CRMP1: variants seen among roughly 807,000 people sequenced by gnomAD.
The protein encoded by CRMP1 is collapsin response mediator protein 1.
A neutral mutation model predicts 68.3 loss-of-function variants in CRMP1; 19 were observed. That is an observed-to-expected ratio of 0.28 (90% CI 0.19 to 0.41). CRMP1 has a LOEUF of 0.41. Ranked by LOEUF, CRMP1 falls within the 10% of genes least tolerant of loss-of-function variation. The pLI is 1.00. For missense variants in CRMP1, 791 were observed against 967.4 expected, an observed-to-expected ratio of 0.82 and a Z score of 2.42; for synonymous variants, 439 against 399.6, an observed-to-expected ratio of 1.10 and a Z score of -1.18.
rs138373028 is a variant in CRMP1, at chr4:5,841,336, G to A, written c.1125C>T (p.Ala375=). The A allele has an allele frequency of 7.4e-5, 120 of 1,613,948 alleles. No homozygotes were observed. The highest frequency in any genetic ancestry group is 1.5e-4 in the African/African-American group (11 of 74,990). Residue 375 remains alanine (A), a synonymous_variant, in exon 8 of 14, where the codon GCC becomes GCT. Transcript: ENST00000324989. This position sits in a 1 kb window ranked among gnomAD's most constrained non-coding sequence, Gnocchi z 6.9. ...TCTTCCTGGCCAGAGCGATGATGTC[G>A]GCTGCACTCTTGCTCATGACCTTGG... is the stretch of plus-strand genomic sequence containing the variant. ...YITKVMSKSA[A]DIIALARKKG...
In CRMP1 at chr4:5,863,845, G is replaced by A. The variant is rs765466836; in HGVS notation, c.471-2635C>T. On this transcript the variant is annotated intron_variant, in intron 2 of 13. Transcript: ENST00000324989. ...TGCCTCTGTACCCGAGGTGGTCCCC[G>A]GCTCTTCCACACCTACCCTTCTCAG... 5.3e-5 allele frequency among the ~76,000 whole-genome samples: 8 copies of A among 152,072 alleles called. 1 individual carries two copies. The highest frequency in any genetic ancestry group is 2.0e-4 in the Admixed American group (3 of 15,268).
rs761475243 is a variant in CRMP1 at position 5,841,935 on chromosome 4, C to T, written c.1033-507G>A. Among the ~76,000 whole-genome samples, 2 of 152,244 alleles carry T rather than the reference C, an allele frequency of 1.3e-5. No homozygotes were observed. The highest frequency in any genetic ancestry group is 2.9e-5 in the Non-Finnish European group (2 of 68,050). On this transcript the variant is annotated intron_variant, in intron 7 of 13. Coordinates refer to ENST00000324989, the MANE Select transcript of CRMP1 (RefSeq NM_001014809.3). The surrounding 1 kb of genome is among the most constrained non-coding windows in gnomAD (Gnocchi z 6.9). ...GTGGCTCACACCTGTAATCCCAGCA[C>T]TTTGGGAGGCCAAGACGGATGGATC...
In CRMP1 at chr4:5,828,673, A is replaced by G; in HGVS notation, c.1624-5T>C. On this transcript the variant is annotated splice_region_variant and splice_polypyrimidine_tract_variant and intron_variant, in intron 11 of 13. Coordinates refer to ENST00000324989, the MANE Select transcript of CRMP1 (RefSeq NM_001014809.3). ...GAAGATGTTGTACTCCACCGCCTGC[A>G]CCAACAGCCTCAGTGTTACTTCCCA... The G allele has an allele frequency of 6.2e-7, 1 of 1,612,944 alleles. No individual in the cohort carries two copies. Among genetic ancestry groups the G allele is most frequent in the Middle Eastern group, 1.7e-4 (1 of 6,058 alleles).
At chr4:5,856,028 C>G in intron 4 of CRMP1, 115 bp downstream of exon 4, 1 of 1,236,596 alleles carries the variant, frequency 8.1e-7, no homozygotes, top group Non-Finnish European at 1.1e-6. Context: ...CAGAGTGCAG[C>G]TCATAATCAG....
At chr4:5,839,212 C>G (rs1711515316) in intron 9 of CRMP1, among the ~76,000 whole-genome samples, 1 of 152,228 alleles carries the variant, frequency 6.6e-6, no homozygotes, top group Admixed American at 6.5e-5. Flanking sequence ...GGTGACACAG[C>G]CTTGTCTCCA....
intron 8 of CRMP1, among the ~76,000 whole-genome samples, chr4:5,840,181 C>T (rs997003949): frequency 2.0e-5 from 3 of 152,196 alleles, no homozygotes; most frequent in African/African-American, 7.2e-5. Context: ...AGGGCCCTGG[C>T]ACTCAGTCCT....
chr4:5,839,838 C>A (rs554801523), intron 8 of CRMP1, among the ~76,000 whole-genome samples, 160 bp from the exon 9 acceptor site: 1 of 152,378 alleles, frequency 6.6e-6, no homozygotes, highest in South Asian at 2.1e-4. Context: ...ACCGCAGGGA[C>A]CTTGGGTGTC....
At chr4:5,864,326 G>A (rs1713822629) in intron 2 of CRMP1, among the ~76,000 whole-genome samples, 1 of 152,136 alleles carries the variant, frequency 6.6e-6, no homozygotes, top group African/African-American at 2.4e-5. Flanking sequence ...GAAGCCCAGA[G>A]CCCCCACACA....
chr4:5,883,955 A>G lies in CRMP1; in HGVS notation c.381+8634T>C, dbSNP rs1715395439. Among the ~76,000 whole-genome samples the G allele has an allele frequency of 6.6e-6, 1 of 152,202 alleles. No individual in the cohort carries two copies. On this transcript the variant is annotated intron_variant, in intron 1 of 13. Transcript: ENST00000324989. This position sits in a 1 kb window ranked among gnomAD's most constrained non-coding sequence, Gnocchi z 4.5. ...TTAAGAATTTGATTTAAACAAAATA[A>G]TGTTTTCCCTAAAAATGGTCCACTT...
chr4:5,821,149 C>T lies in CRMP1; in HGVS notation c.*611G>A, dbSNP rs138026707. On this transcript the variant is annotated 3_prime_UTR_variant, in exon 14 of 14. Coordinates refer to ENST00000324989, the MANE Select transcript of CRMP1 (RefSeq NM_001014809.3). This position sits in a 1 kb window ranked among gnomAD's most constrained non-coding sequence, Gnocchi z 4.4. ...GACACAGGATGTGGAGGATGCTTCTCTGCAACCTAGTGCAAGGCTTCCCCT... is the reference window on the plus strand; with the variant it reads ...GACACAGGATGTGGAGGATGCTTCTTTGCAACCTAGTGCAAGGCTTCCCCT... 6.5e-6 allele frequency: 1 copy of T among 152,716 alleles called. No homozygotes were observed. The highest frequency in any genetic ancestry group is 2.4e-5 in the African/African-American group (1 of 41,462). 9.5% of individuals were successfully genotyped at this position (152,716 alleles called of 1,614,324 possible).
chr4:5,829,135 A>G (rs1180931757), intron 11 of CRMP1, among the ~76,000 whole-genome samples: 1 of 152,222 alleles, frequency 6.6e-6, no homozygotes, highest in Non-Finnish European at 1.5e-5. Flanking sequence ...GTTCAGATCA[A>G]TTGACACGAT....
At position 5,890,219 on chromosome 4, in the gene CRMP1, C is replaced by G. The variant is rs1160810205; in HGVS notation, c.381+2370G>C. 1 of 160,742 alleles carries G rather than the reference C, an allele frequency of 6.2e-6. No individual in the cohort carries two copies. The highest frequency in any genetic ancestry group is 1.4e-5 in the Non-Finnish European group (1 of 72,624). The allele number at this position is 160,742 out of a possible 1,614,324, so 10.0% of individuals were successfully genotyped here. A position where few individuals can be genotyped will look rare whatever the true frequency, so the allele number is the denominator to read the frequency against. On this transcript the variant is annotated intron_variant, in intron 1 of 13. Coordinates refer to ENST00000324989, the MANE Select transcript of CRMP1 (RefSeq NM_001014809.3). The surrounding 1 kb of genome is among the most constrained non-coding windows in gnomAD (Gnocchi z 5.5). ...CGTTCCCTGGGGTCAGTCTGGAGATCTGAGCAGAAAGCCCCTACAGCAAGG... is the reference window on the plus strand; with the variant it reads ...CGTTCCCTGGGGTCAGTCTGGAGATGTGAGCAGAAAGCCCCTACAGCAAGG...
intron 9 of CRMP1, 97 bp from the exon 10 acceptor site, chr4:5,837,003 A>G (rs1446513697): frequency 2.2e-6 from 3 of 1,385,278 alleles, no homozygotes; most frequent in Non-Finnish European, 2.9e-6. Flanking sequence ...CAGTGAATGA[A>G]TGAATAGATA....
chr4:5,888,076 T>C lies in CRMP1; in HGVS notation c.381+4513A>G. 4 of 909,354 alleles carry C rather than the reference T, an allele frequency of 4.4e-6. No individual in the cohort carries two copies. The highest frequency in any genetic ancestry group is 5.7e-6 in the Non-Finnish European group (4 of 699,650). 56.3% of individuals were successfully genotyped at this position (909,354 alleles called of 1,614,324 possible). On this transcript the variant is annotated intron_variant, in intron 1 of 13. Transcript: ENST00000324989. This position sits in a 1 kb window ranked among gnomAD's most constrained non-coding sequence, Gnocchi z 6.4. Reference sequence around the variant, plus strand: ...GTCCCCAGAGGCTGGGGGAGGGGGCTGAAATCCCGAGACCGGCCCCGCCCC... The same window carrying C: ...GTCCCCAGAGGCTGGGGGAGGGGGCCGAAATCCCGAGACCGGCCCCGCCCC...
chr4:5,839,623 A>G lies in CRMP1; in HGVS notation c.1209T>C (p.His403=), dbSNP rs16837723. The change falls in exon 9 of 14, where the codon CAT becomes CAC. Residue 403 remains histidine, a synonymous_variant. Coordinates refer to ENST00000324989, the MANE Select transcript of CRMP1 (RefSeq NM_001014809.3). ...CCTTGGCCCAGTTCTTGCTCCAGTA[A>G]TGGGTGCCATCGGTCCCCAGGCTGG... is the stretch of plus-strand genomic sequence containing the variant. ...IAASLGTDGT[H]YWSKNWAKAA... is the part of the protein sequence containing the mutation. 0.16 allele frequency: 250,850 copies of G among 1,612,634 alleles called. 24,972 individuals carry two copies. Among genetic ancestry groups the G allele is most frequent in the East Asian group, 0.43 (19,120 of 44,810 alleles).
At chr4:5,886,896 TGA>T (rs2152476625) in intron 1 of CRMP1, among the ~76,000 whole-genome samples, 1 of 152,342 alleles carries the variant, frequency 6.6e-6, no homozygotes, top group Admixed American at 6.5e-5. Flanking sequence ...AGGGCAGAGC[TGA>T]GAGACGGAGA....
intron 6 of CRMP1, among the ~76,000 whole-genome samples, chr4:5,848,278 T>A (rs1264737277): frequency 6.6e-6 from 1 of 152,094 alleles, no homozygotes; most frequent in Non-Finnish European, 1.5e-5. Flanking sequence ...CACCTGATAA[T>A]GGCTGTATTC....
At chr4:5,886,379 C>A (rs1312924330) in intron 1 of CRMP1, among the ~76,000 whole-genome samples, 8 of 152,182 alleles carry the variant, frequency 5.3e-5, no homozygotes, top group Non-Finnish European at 4.4e-5. Context: ...TGGAGGGTCA[C>A]CTAGGATGTT....
At position 5,861,623 on chromosome 4, in the gene CRMP1, AG is replaced by A. The variant is rs2152468131; in HGVS notation, c.471-414del. Among the ~76,000 whole-genome samples, 1 of 152,274 alleles carries A rather than the reference AG, an allele frequency of 6.6e-6. No individual in the cohort carries two copies. Among genetic ancestry groups the A allele is most frequent in the African/African-American group, 2.4e-5 (1 of 41,564 alleles). On this transcript the variant is annotated intron_variant, in intron 2 of 13. Coordinates refer to ENST00000324989, the MANE Select transcript of CRMP1 (RefSeq NM_001014809.3). The surrounding 1 kb of genome is among the most constrained non-coding windows in gnomAD (Gnocchi z 6.0). ...CAGGAGGTTAAATTCCAAATGGGGA[AG>A]GAGGGAAAAGAGCCTACGAAATGAG...
Sources: gnomAD v4.1 joint callset for allele counts (sites outside exome capture counted in the v4.1 genomes callset) on GRCh38, gnomAD v4.1.1 for gene constraint, Gnocchi (gnomAD v3.1) non-coding constraint, MANE v1.5 for transcripts, NCBI Gene and HGNC (gene_info 2026-07-23, HGNC 2026-07-21) for gene names.